KLHL32: variants seen among roughly 807,000 people sequenced by gnomAD.
The protein encoded by KLHL32 is kelch-like protein 32.
A neutral mutation model predicts 64.8 loss-of-function variants in KLHL32; 35 were observed. The ratio of observed to expected loss-of-function variants is 0.54; its 90% confidence interval spans 0.41 to 0.72. The LOEUF is 0.72. Ranked by LOEUF, KLHL32 falls within the 30% of genes least tolerant of loss-of-function variation. The pLI is 0.00. For missense variants in KLHL32, 589 were observed against 768.5 expected (o/e 0.77, Z 2.76); for synonymous variants, 259 against 281.0 (o/e 0.92, Z 0.78).
Position 97,085,198 on chromosome 6 carries a change from G to A in KLHL32, c.484G>A (p.Ala162Thr), listed in dbSNP as rs1319512446. The A allele has an allele frequency of 6.2e-7, 1 of 1,613,960 alleles. No homozygotes were observed. Residue 162 changes from alanine (A) to threonine (T), a missense_variant, in exon 6 of 11, where the codon GCA (alanine) becomes ACA (threonine). This residue lies in a region of KLHL32 where 191 missense variants were observed against 223.3 expected (regional missense o/e 0.86). Coordinates refer to ENST00000369261, the MANE Select transcript of KLHL32 (RefSeq NM_052904.4). ...CTTTAACCTCACTTTGTTGGAGAAG[G>A]CAGTGATCGATTTCTTAGTGAAACA... Reference protein sequence around the residue: ...DLFNLTLLEKAVIDFLVKHLS... With the variant: ...DLFNLTLLEKTVIDFLVKHLS...
At chr6:97,099,162 C>T (rs1795365677) in intron 6 of KLHL32, among the ~76,000 whole-genome samples, 1 of 152,198 alleles carries the variant, frequency 6.6e-6, no homozygotes, top group South Asian at 2.1e-4. Flanking sequence ...CACAGAGGGC[C>T]TTCTTCCCTC....
intron 6 of KLHL32, among the ~76,000 whole-genome samples, chr6:97,110,778 G>A (rs1370055965): frequency 3.9e-5 from 6 of 152,216 alleles, no homozygotes; most frequent in Non-Finnish European, 8.8e-5. Flanking sequence ...ACCGGAGCAC[G>A]GGCAATGGAG....
At chr6:96,930,201 G>C (rs1440578646) in intron 1 of KLHL32, among the ~76,000 whole-genome samples, 1 of 152,146 alleles carries the variant, frequency 6.6e-6, no homozygotes, top group Non-Finnish European at 1.5e-5. Flanking sequence ...AGTGGAGGAG[G>C]CATTTTGCAA....
At chr6:96,962,958 C>G (rs1774033176) in intron 1 of KLHL32, among the ~76,000 whole-genome samples, 1 of 152,156 alleles carries the variant, frequency 6.6e-6, no homozygotes, top group Admixed American at 6.5e-5. Flanking sequence ...TTTTGGGGGT[C>G]ATTACTCACT....
chr6:96,979,346 A>G (rs1353201073), intron 3 of KLHL32, among the ~76,000 whole-genome samples: 13 of 152,046 alleles, frequency 8.6e-5, no homozygotes, highest in Admixed American at 6.6e-4. Flanking sequence ...TCTAGTTTCA[A>G]TGTTTGACAT....
chr6:97,133,994 T>G (rs182863600), intron 10 of KLHL32, among the ~76,000 whole-genome samples: 1 of 151,936 alleles, frequency 6.6e-6, no homozygotes, highest in East Asian at 1.9e-4. Flanking sequence ...GCAATTAAGT[T>G]AGAACTTAAC....
intron 1 of KLHL32, among the ~76,000 whole-genome samples, chr6:96,960,085 C>G (rs1773719018): frequency 1.3e-5 from 2 of 152,158 alleles, no homozygotes. Flanking sequence ...TATCCAGATC[C>G]ATACAGAATA....
chr6:96,976,297 CCT>C, intron 3 of KLHL32, 120 bp downstream of exon 3: 1 of 907,340 alleles, frequency 1.1e-6, no homozygotes, highest in Non-Finnish European at 1.6e-6. Context: ...ATGGTGGGGG[CCT>C]TTGTTCTTTC....
At chr6:97,032,874 ATCT>A (rs896023103) in intron 3 of KLHL32, among the ~76,000 whole-genome samples, 3 of 151,226 alleles carry the variant, frequency 2.0e-5, no homozygotes, top group Admixed American at 6.6e-5. Context: ...ATTTCGGGTA[ATCT>A]TCTGCAAATG....
At chr6:97,019,843 G>T (rs1379098028) in intron 3 of KLHL32, among the ~76,000 whole-genome samples, 1 of 151,686 alleles carries the variant, frequency 6.6e-6, no homozygotes, top group Non-Finnish European at 1.5e-5. Flanking sequence ...GCAGTGGCGC[G>T]ATCTTGGCTC....
At chr6:97,019,424 T>A (rs2128102871) in intron 3 of KLHL32, among the ~76,000 whole-genome samples, 1 of 152,300 alleles carries the variant, frequency 6.6e-6, no homozygotes, top group South Asian at 2.1e-4. Flanking sequence ...AGCTAAAATG[T>A]TTTTCAGAGT....
chr6:97,112,468 A>C (rs1797269566), intron 6 of KLHL32, among the ~76,000 whole-genome samples: 1 of 151,290 alleles, frequency 6.6e-6, no homozygotes, highest in Middle Eastern at 3.4e-3. Context: ...TTTTCCTGAG[A>C]TGGAGTCTTG....
intron 3 of KLHL32, among the ~76,000 whole-genome samples, chr6:97,033,667 C>T (rs1381609070): frequency 2.0e-5 from 3 of 152,060 alleles, no homozygotes; most frequent in Non-Finnish European, 4.4e-5. Flanking sequence ...ATTCCCTTTT[C>T]TCTACAACCT....
intron 6 of KLHL32, among the ~76,000 whole-genome samples, chr6:97,089,227 C>G (rs2128183667): frequency 6.6e-6 from 1 of 152,190 alleles, no homozygotes; most frequent in East Asian, 1.9e-4. Flanking sequence ...TCCAAAGTAG[C>G]AGAAACAAGA....
At chr6:97,093,228 G>C (rs1794516284) in intron 6 of KLHL32, among the ~76,000 whole-genome samples, 1 of 152,164 alleles carries the variant, frequency 6.6e-6, no homozygotes, top group Non-Finnish European at 1.5e-5. Flanking sequence ...TAGAAACCCT[G>C]AGGCTAGCGT....
chr6:96,976,070 A>C lies in KLHL32; in HGVS notation c.97A>C (p.Asn33His). The C allele has an allele frequency of 6.2e-7, 1 of 1,609,408 alleles. No individual in the cohort carries two copies. Among genetic ancestry groups the C allele is most frequent in the East Asian group, 2.2e-5 (1 of 44,660 alleles). Reference protein sequence around the residue: ...SHNDSVLAALNQQRSDGILCD... With the variant: ...SHNDSVLAALHQQRSDGILCD... ...CAATGACAGTGTCCTGGCAGCGCTG[A>C]ATCAGCAGAGGAGTGATGGCATCCT... The change falls in exon 3 of 11, where the codon AAT becomes CAT. Residue 33 changes from asparagine to histidine, a missense_variant. Around this residue, in one of 3 missense-constraint regions of KLHL32, gnomAD observed 191 missense variants for 223.3 expected, o/e 0.86. Coordinates refer to ENST00000369261, the MANE Select transcript of KLHL32 (RefSeq NM_052904.4).
intron 1 of KLHL32, among the ~76,000 whole-genome samples, chr6:96,933,897 T>C (rs75282849): frequency 0.023 from 3,430 of 152,288 alleles, 53 homozygotes; most frequent in Non-Finnish European, 0.035. Context: ...AGTAAGTGGA[T>C]TGGGAGAGCA....
chr6:97,013,515 G>GAA (rs1780688360), intron 3 of KLHL32, among the ~76,000 whole-genome samples: 1 of 152,102 alleles, frequency 6.6e-6, no homozygotes, highest in African/African-American at 2.4e-5. Context: ...GAAAGTCCCT[G>GAA]AAGTCACCCT....
At chr6:97,086,604 C>T (rs1454752296) in intron 6 of KLHL32, among the ~76,000 whole-genome samples, 1 of 152,062 alleles carries the variant, frequency 6.6e-6, no homozygotes, top group Non-Finnish European at 1.5e-5. Flanking sequence ...AACACCTGCC[C>T]CCATGTCTTC....
Sources: gnomAD v4.1 joint callset for allele counts (sites outside exome capture counted in the v4.1 genomes callset) on GRCh38, gnomAD v4.1.1 for gene constraint, gnomAD v4.1.1 regional missense constraint, MANE v1.5 for transcripts, NCBI Gene and HGNC (gene_info 2026-07-23, HGNC 2026-07-21) for gene names.